Variants in FBXO11 observed in about 807,000 individuals in gnomAD.
The protein encoded by FBXO11 is F-box protein 11, also known as F-box only protein 11.
Under a neutral mutation model 117.0 loss-of-function variants are expected in FBXO11, and 13 were observed. The observed-to-expected ratio is 0.11, with a 90% CI of 0.07 to 0.18. The LOEUF (loss-of-function observed/expected upper bound fraction) is 0.18, where lower values mean the gene tolerates loss of function less well. Ranked by LOEUF, FBXO11 falls within the 10% of genes least tolerant of loss-of-function variation. The pLI is 1.00. For synonymous variants in FBXO11, 490 were observed against 380.5 expected, an observed-to-expected ratio of 1.29 and a Z score of -3.35; for missense variants, 767 against 1,164.4, an observed-to-expected ratio of 0.66 and a Z score of 4.97.
intron 7 of FBXO11, among the ~76,000 whole-genome samples, chr2:47,834,169 G>A (rs942517884): frequency 6.6e-6 from 1 of 152,066 alleles, no homozygotes; most frequent in Non-Finnish European, 1.5e-5. Context: ...GGCCAACATG[G>A]CGAAACCCTA....
intron 1 of FBXO11, 200 bp downstream of exon 1, chr2:47,905,289 A>T (rs1678686127): frequency 2.8e-6 from 1 of 362,000 alleles, no homozygotes; most frequent in Non-Finnish European, 4.4e-6. Flanking sequence ...CCAGGCGAGA[A>T]GGGAAGCCGC....
At chr2:47,842,065 G>C (rs541828023) in intron 1 of FBXO11, among the ~76,000 whole-genome samples, 9 of 151,700 alleles carry the variant, frequency 5.9e-5, no homozygotes, top group Admixed American at 1.3e-4. Flanking sequence ...GCCCAGGCTG[G>C]AGTGCAGTTG....
chr2:47,844,006 G>A (rs1673215131), intron 1 of FBXO11, among the ~76,000 whole-genome samples: 1 of 152,192 alleles, frequency 6.6e-6, no homozygotes, highest in Non-Finnish European at 1.5e-5. Context: ...CTCCCAAAGT[G>A]CTGGGATTAC....
At chr2:47,816,866 C>T (rs552418025) in intron 16 of FBXO11, among the ~76,000 whole-genome samples, 1 of 152,208 alleles carries the variant, frequency 6.6e-6, no homozygotes, top group South Asian at 2.1e-4. Context: ...CTTTATAGCG[C>T]ACAGGCAGAG....
chr2:47,896,302 A>C (rs932117999), intron 1 of FBXO11, among the ~76,000 whole-genome samples: 7 of 151,268 alleles, frequency 4.6e-5, no homozygotes, highest in Non-Finnish European at 8.8e-5. Flanking sequence ...CTCCTACCCG[A>C]AAGATCTTTC....
chr2:47,832,849 T>C lies in FBXO11; in HGVS notation c.1073A>G (p.His358Arg). Residue 358 changes from histidine (H) to arginine (R), a missense_variant, in exon 9 of 23, where the codon CAC (histidine) becomes CGC (arginine). Around this residue, in one of 10 missense-constraint regions of FBXO11, gnomAD observed 123 missense variants for 145.0 expected, o/e 0.85. Coordinates refer to ENST00000403359, the MANE Select transcript of FBXO11 (RefSeq NM_001190274.2). The part of the protein sequence containing the change: ...FNPDDKSAQH[H>R]NAHHCLEITV... ...AATCTCTAAGCAGTGGTGTGCATTG[T>C]GGTGTTGTGCAGATTTGTCATCAGG... The C allele has an allele frequency of 6.2e-7, 1 of 1,614,044 alleles. No homozygotes were observed. The highest frequency in any genetic ancestry group is 8.5e-7 in the Non-Finnish European group (1 of 1,179,944).
At chr2:47,874,167 T>G (rs902864161) in intron 1 of FBXO11, among the ~76,000 whole-genome samples, 2 of 152,142 alleles carry the variant, frequency 1.3e-5, no homozygotes, top group Non-Finnish European at 2.9e-5. Flanking sequence ...TGAGCAGAGA[T>G]TGCACCACTG....
chr2:47,894,479 T>G (rs1052579109), intron 1 of FBXO11, among the ~76,000 whole-genome samples: 1 of 152,144 alleles, frequency 6.6e-6, no homozygotes, highest in Non-Finnish European at 1.5e-5. Flanking sequence ...TATCACCACT[T>G]CAGCAGCAAA....
At chr2:47,855,955 C>T (rs1290360525) in intron 1 of FBXO11, among the ~76,000 whole-genome samples, 1 of 151,574 alleles carries the variant, frequency 6.6e-6, no homozygotes, top group Admixed American at 6.6e-5. Context: ...CATTCAAAAC[C>T]TGAGCAAAAG....
intron 16 of FBXO11, chr2:47,814,110 A>G (rs1365559233): frequency 7.7e-6 from 3 of 389,994 alleles, no homozygotes; most frequent in African/African-American, 6.1e-5. Flanking sequence ...AAATGGGGTT[A>G]TATTAAGTGA....
At chr2:47,845,072 T>TC (rs1673302694) in intron 1 of FBXO11, among the ~76,000 whole-genome samples, 1 of 152,186 alleles carries the variant, frequency 6.6e-6, no homozygotes, top group South Asian at 2.1e-4. Context: ...AAACTTTTCA[T>TC]CCTATACAAC....
intron 1 of FBXO11, among the ~76,000 whole-genome samples, chr2:47,894,336 T>G (rs946877769): frequency 5.3e-5 from 8 of 152,174 alleles, no homozygotes; most frequent in Non-Finnish European, 8.8e-5. Context: ...TAAAGGGTAG[T>G]CAAGAATATG....
At chr2:47,841,751 C>G (rs1336046342) in intron 1 of FBXO11, among the ~76,000 whole-genome samples, 1 of 151,998 alleles carries the variant, frequency 6.6e-6, no homozygotes, top group Non-Finnish European at 1.5e-5. Flanking sequence ...CGCCATTCCC[C>G]TGTCTCAGCC....
At chr2:47,839,876 GT>G in intron 1 of FBXO11, 107 bp from the exon 2 acceptor site, 1 of 931,668 alleles carries the variant, frequency 1.1e-6, no homozygotes, top group Non-Finnish European at 1.6e-6. Flanking sequence ...GCAGATGTAA[GT>G]TTTATATGAA....
chr2:47,808,509 C>T, intron 21 of FBXO11, 82 bp from the exon 22 acceptor site: 1 of 1,292,628 alleles, frequency 7.7e-7, no homozygotes, highest in Admixed American at 2.5e-5. Flanking sequence ...ATTACTATGA[C>T]CTTTGGCTTT....
At position 47,822,213 on chromosome 2, in the gene FBXO11, CT is replaced by C; in HGVS notation, c.1702+4del. On this transcript the variant is annotated splice_donor_region_variant and intron_variant, in intron 13 of 22. Transcript: ENST00000403359. Reference sequence around the variant, plus strand: ...AAGTTTTATAGAACAAAACCATACGCTTACCATAAATGTCATTTCCTTCAAT... The same window carrying C: ...AAGTTTTATAGAACAAAACCATACGCTACCATAAATGTCATTTCCTTCAAT... The C allele has an allele frequency of 1.3e-6, 2 of 1,571,746 alleles. No individual in the cohort carries two copies. Among genetic ancestry groups the C allele is most frequent in the African/African-American group, 1.4e-5 (1 of 73,004 alleles).
rs760529981 is a variant in FBXO11, at chr2:47,838,989, G to C, written c.457C>G (p.Gln153Glu). Residue 153 changes from glutamine to glutamate, a missense_variant, in exon 4 of 23, where the codon CAG becomes GAG. Transcript: ENST00000403359. ...TCTGGCAGTTTCTCCTGAAGATACT[G>C]TTCAGCAGGTGCTGCTATAAAGAGA... is the stretch of plus-strand genomic sequence containing the variant. ...SQDLSAAPAE[Q>E]YLQEKLPDEV... is the part of the protein sequence containing the mutation. The C allele has an allele frequency of 5.6e-6, 9 of 1,613,434 alleles. No homozygotes were observed. Among genetic ancestry groups the C allele is most frequent in the Non-Finnish European group, 7.6e-6 (9 of 1,179,672 alleles).
intron 18 of FBXO11, among the ~76,000 whole-genome samples, chr2:47,812,151 T>C (rs566809518): frequency 6.6e-6 from 1 of 152,386 alleles, no homozygotes; most frequent in African/African-American, 2.4e-5. Flanking sequence ...AGCCTCAATT[T>C]TCTGTACCTC....
intron 1 of FBXO11, among the ~76,000 whole-genome samples, chr2:47,845,387 G>GT (rs1266319189): frequency 6.6e-6 from 1 of 152,170 alleles, no homozygotes; most frequent in Non-Finnish European, 1.5e-5. Context: ...TAAAATCACT[G>GT]TTTTGAACTC....
Sources: allele counts gnomAD v4.1 joint callset (sites outside exome capture counted in the v4.1 genomes callset), GRCh38; gene constraint gnomAD v4.1.1; regional missense constraint gnomAD v4.1.1; transcripts MANE v1.5; gene names NCBI Gene and HGNC (gene_info 2026-07-23, HGNC 2026-07-21).